The following LEPR variants were observed in gnomAD, a reference collection of about 807,000 sequenced individuals.
The protein encoded by LEPR is leptin receptor.
LEPR carries 56 observed loss-of-function variants against 114.7 expected under a neutral mutation model. The ratio of observed to expected loss-of-function variants is 0.49; its 90% confidence interval spans 0.39 to 0.61. The LOEUF (loss-of-function observed/expected upper bound fraction) is 0.61, where lower values mean the gene tolerates loss of function less well. Among genes scored for constraint, LEPR ranks in the 20% least tolerant of loss-of-function variants. LEPR has a pLI of 0.00. For missense variants in LEPR, 1,202 were observed against 1,352.9 expected, an observed-to-expected ratio of 0.89 and a Z score of 1.75; for synonymous variants, 443 against 461.4, an observed-to-expected ratio of 0.96 and a Z score of 0.51.
intron 2 of LEPR, among the ~76,000 whole-genome samples, chr1:65,512,969 T>C (rs1036415208): frequency 1.3e-5 from 2 of 152,228 alleles, no homozygotes; most frequent in Non-Finnish European, 2.9e-5. Context: ...TACTAGCAGC[T>C]GCAGCTTGCA....
At position 65,596,548 on chromosome 1, in the gene LEPR, A is replaced by G. The variant is rs1480282877; in HGVS notation, c.804A>G (p.Gln268=). ...SSPPLVPFPL[Q]YQVKYSENST... ...CACCATTGGTACCATTTCCACTTCA[A>G]TATCAAGTGAAATATTCAGAGAATT... The change falls in exon 7 of 20, where the codon CAA becomes CAG. Residue 268 remains glutamine (Q), a synonymous_variant. Transcript: ENST00000349533. 6.8e-6 allele frequency: 11 copies of G among 1,612,698 alleles called. No homozygotes were observed. The highest frequency in any genetic ancestry group is 9.3e-6 in the Non-Finnish European group (11 of 1,179,122).
chr1:65,584,991 G>A (rs1460435932), intron 5 of LEPR, among the ~76,000 whole-genome samples: 1 of 151,936 alleles, frequency 6.6e-6, no homozygotes, highest in African/African-American at 2.4e-5. Flanking sequence ...CAATAGGTCT[G>A]GGTGGAACTA....
chr1:65,639,800 T>C lies in LEPR; in HGVS notation c.*2785T>C, dbSNP rs1658814324. The C allele has an allele frequency of 6.6e-6, 1 of 152,168 alleles. No individual in the cohort carries two copies. The highest frequency in any genetic ancestry group is 2.1e-4 in the South Asian group (1 of 4,816). The allele number at this position is 152,168 out of a possible 1,614,324, so 9.4% of individuals were successfully genotyped here. ...TTTAAATAGATTGTTTGAAGAGAAA[T>C]CATATGTCAGGGTTTGCAGGATTAC... On this transcript the variant is annotated 3_prime_UTR_variant, in exon 20 of 20. Coordinates refer to ENST00000349533, the MANE Select transcript of LEPR (RefSeq NM_002303.6).
chr1:65,635,437 G>C (rs1658683968), intron 19 of LEPR: 2 of 925,342 alleles, frequency 2.2e-6, no homozygotes, highest in African/African-American at 1.8e-5. Flanking sequence ...CATTTGTCTT[G>C]TGTATTTGTC....
chr1:65,435,086 C>G (rs1188126550), intron 2 of LEPR: 1 of 985,306 alleles, frequency 1.0e-6, no homozygotes, highest in African/African-American at 1.7e-5. Flanking sequence ...ATTCCAGCAG[C>G]TTATAGAAGG....
At chr1:65,493,126 A>C (rs1647966143) in intron 2 of LEPR, among the ~76,000 whole-genome samples, 1 of 151,970 alleles carries the variant, frequency 6.6e-6, no homozygotes, top group African/African-American at 2.4e-5. Flanking sequence ...ACACTTTTTG[A>C]ATTGCTTACC....
At chr1:65,518,778 C>T (rs933235582) in intron 2 of LEPR, among the ~76,000 whole-genome samples, 10 of 152,172 alleles carry the variant, frequency 6.6e-5, no homozygotes, top group Admixed American at 5.2e-4. Flanking sequence ...CACCCTTCCT[C>T]CAGTTTCCAA....
chr1:65,432,910 A>G, intron 2 of LEPR: 6 of 926,720 alleles, frequency 6.5e-6, no homozygotes, highest in Non-Finnish European at 7.7e-6. Flanking sequence ...TGTACCCTAT[A>G]AAAATATACA....
At chr1:65,535,595 C>A (rs896651788) in intron 2 of LEPR, among the ~76,000 whole-genome samples, 2 of 151,928 alleles carry the variant, frequency 1.3e-5, no homozygotes, top group African/African-American at 4.8e-5. Context: ...AAGTGATCCT[C>A]CCGCTTTGGC....
chr1:65,601,505 A>G lies in LEPR; in HGVS notation c.1108A>G (p.Met370Val), dbSNP rs142252410. Residue 370 changes from methionine (M) to valine (V), a missense_variant, in exon 9 of 20, where the codon ATG becomes GTG. By Grantham distance (21) the Met-to-Val change is conservative. Transcript: ENST00000349533. ...IVPSKEIVWW[M>V]NLAEKIPQSQ... Reference sequence around the variant, plus strand: ...TCCCTCAAAAGAGATTGTTTGGTGGATGAATTTAGCTGAGAAAATTCCTCA... The same window carrying G: ...TCCCTCAAAAGAGATTGTTTGGTGGGTGAATTTAGCTGAGAAAATTCCTCA... 7.4e-6 allele frequency: 12 copies of G among 1,613,776 alleles called. No individual in the cohort carries two copies. The African/African-American group carries it at 1.2e-4, about 16-fold the overall frequency.
At chr1:65,599,280 C>T (rs1656281353) in intron 8 of LEPR, among the ~76,000 whole-genome samples, 1 of 152,110 alleles carries the variant, frequency 6.6e-6, no homozygotes, top group Non-Finnish European at 1.5e-5. Context: ...ACAGTTCATT[C>T]ACAGCTTCTT....
intron 2 of LEPR, among the ~76,000 whole-genome samples, chr1:65,499,653 T>C (rs112488289): frequency 0.017 from 2,550 of 152,222 alleles, 42 homozygotes; most frequent in South Asian, 0.072. Context: ...GCCTGGCATG[T>C]GTTAGGGCTT....
At position 65,434,012 on chromosome 1, in the gene LEPR, A is replaced by C. The variant is rs147407267; in HGVS notation, c.-21+8634A>C. 7.2e-5 allele frequency: 71 copies of C among 985,306 alleles called. No individual in the cohort carries two copies. In the African/African-American group the frequency reaches 1.2e-3, roughly 16 times the overall value. The allele number at this position is 985,306 out of a possible 1,614,324, so 61.0% of individuals were successfully genotyped here. A position where few individuals can be genotyped will look rare whatever the true frequency, so the allele number is the denominator to read the frequency against. On this transcript the variant is annotated intron_variant, in intron 2 of 19. Transcript: ENST00000349533. ...AAGATGGCAATAATGATTCATTTCT[A>C]CTACATTTTGCAAAAGTGTTTTTGT...
chr1:65,533,500 C>T (rs1650546465), intron 2 of LEPR, among the ~76,000 whole-genome samples: 1 of 151,894 alleles, frequency 6.6e-6, no homozygotes, highest in Non-Finnish European at 1.5e-5. Context: ...TTTCTTTTTC[C>T]CTTCTACTTT....
At chr1:65,591,732 G>A (rs1251984317) in intron 5 of LEPR, among the ~76,000 whole-genome samples, 2 of 151,848 alleles carry the variant, frequency 1.3e-5, no homozygotes, top group African/African-American at 4.8e-5. Context: ...ATTTCTTGTA[G>A]GTTGTTTATA....
chr1:65,613,261 T>C (rs544162827), intron 14 of LEPR, among the ~76,000 whole-genome samples: 1 of 152,344 alleles, frequency 6.6e-6, no homozygotes, highest in South Asian at 2.1e-4. Flanking sequence ...CATGTTCCTT[T>C]GACATGCCCC....
At chr1:65,579,471 T>G (rs941229346) in intron 5 of LEPR, among the ~76,000 whole-genome samples, 8 of 152,212 alleles carry the variant, frequency 5.3e-5, no homozygotes, top group Non-Finnish European at 8.8e-5. Context: ...AAGGTTTACC[T>G]CAACTTCTGA....
intron 2 of LEPR, among the ~76,000 whole-genome samples, chr1:65,548,464 A>G (rs1042445249): frequency 9.2e-5 from 14 of 152,124 alleles, no homozygotes; most frequent in Non-Finnish European, 1.6e-4. Context: ...TAGGTCACTC[A>G]GGACTTGCTT....
rs1329162134 is a variant in LEPR at position 65,605,061 on chromosome 1, T to C, written c.1427T>C (p.Ile476Thr). ...YHRSSLYCSD[I>T]PSIHPISEPK... ...AGGAGCAGCCTTTACTGTTCTGATA[T>C]TCCATCTATTCATCCCATATCTGAG... Residue 476 changes from isoleucine to threonine, a missense_variant, in exon 11 of 20, where the codon ATT becomes ACT. Transcript: ENST00000349533. The C allele has an allele frequency of 6.2e-7, 1 of 1,613,582 alleles. No individual in the cohort carries two copies. The highest frequency in any genetic ancestry group is 8.5e-7 in the Non-Finnish European group (1 of 1,180,040).
Sources: allele counts gnomAD v4.1 joint callset (sites outside exome capture counted in the v4.1 genomes callset), GRCh38; gene constraint gnomAD v4.1.1; transcripts MANE v1.5; gene names NCBI Gene and HGNC (gene_info 2026-07-23, HGNC 2026-07-21).